CCDC13: variants seen among roughly 807,000 people sequenced by gnomAD.
CCDC13 encodes coiled-coil domain containing 13.
CCDC13 carries 70 observed loss-of-function variants against 87.3 expected under a neutral mutation model. The observed-to-expected ratio is 0.80, with a 90% CI of 0.66 to 0.98. The LOEUF (loss-of-function observed/expected upper bound fraction) is 0.98. CCDC13 is among the 50% of genes least tolerant of loss of function. The probability of loss-of-function intolerance (pLI) is 0.00; values close to 1 mark genes in which losing one functional copy is unlikely to be tolerated. For synonymous variants in CCDC13, 317 were observed against 360.3 expected (o/e 0.88, Z 1.36); for missense variants, 842 against 892.0 (o/e 0.94, Z 0.71).
At position 42,709,019 on chromosome 3, in the gene CCDC13, G is replaced by A. The variant is rs1698239180; in HGVS notation, c.2109C>T (p.Phe703=). 1.9e-6 allele frequency: 3 copies of A among 1,613,740 alleles called. No homozygotes were observed. Among genetic ancestry groups the A allele is most frequent in the South Asian group, 2.2e-5 (2 of 91,024 alleles). ...HEILGQVKSV[F]LQALRQQKTG... is the part of the protein sequence containing the mutation. ...TCTTCTGCTGCCGCAGGGCCTGCAG[G>A]AAGACACTTTTCACCTGGCCCAGGA... Residue 703 remains phenylalanine, a synonymous_variant, in exon 16 of 16, where the codon TTC becomes TTT. Transcript: ENST00000310232.
chr3:42,734,067 G>A (rs1334788958), intron 10 of CCDC13, among the ~76,000 whole-genome samples: 2 of 152,160 alleles, frequency 1.3e-5, no homozygotes, highest in African/African-American at 4.8e-5. Context: ...AGGGCAGGCA[G>A]CCTTGGGTGG....
At position 42,713,295 on chromosome 3, in the gene CCDC13, C is replaced by T; in HGVS notation, c.1740G>A (p.Lys580=). ...LQKRVEESNS[K]LLESERKLQE... ...GCAGCTTCCTCTCTGACTCCAGGAG[C>T]TTGCTGTTGCTCTCCTCCACCCTGG... is the stretch of plus-strand genomic sequence containing the variant. Residue 580 remains lysine (K), a synonymous_variant, in exon 14 of 16, where the codon AAG becomes AAA. Coordinates refer to ENST00000310232, the MANE Select transcript of CCDC13 (RefSeq NM_144719.4). The T allele has an allele frequency of 6.2e-7, 1 of 1,614,058 alleles. No homozygotes were observed.
Position 42,706,780 on chromosome 3 carries a change from A to G in CCDC13, c.*2200T>C, listed in dbSNP as rs1698190142. 1 of 152,238 alleles carries G rather than the reference A, an allele frequency of 6.6e-6. No individual in the cohort carries two copies. The highest frequency in any genetic ancestry group is 2.4e-5 in the African/African-American group (1 of 41,456). 9.4% of individuals were successfully genotyped at this position (152,238 alleles called of 1,614,324 possible). A position where few individuals can be genotyped will look rare whatever the true frequency, so the allele number is the denominator to read the frequency against. On this transcript the variant is annotated 3_prime_UTR_variant, in exon 16 of 16. Transcript: ENST00000310232. The stretch of plus-strand genomic sequence containing the variant: ...ATAAACAGAGAGCTAATAATTAGTG[A>G]AACGTCTTTGGGTTATTCTTTGACA...
At chr3:42,767,177 A>G (rs1181162343) in intron 1 of CCDC13, among the ~76,000 whole-genome samples, 1 of 152,092 alleles carries the variant, frequency 6.6e-6, no homozygotes, top group Admixed American at 6.5e-5. Flanking sequence ...ATTAAAAAAA[A>G]AAAGAACAAA....
chr3:42,747,898 T>C (rs1395535500), intron 5 of CCDC13, among the ~76,000 whole-genome samples: 1 of 152,194 alleles, frequency 6.6e-6, no homozygotes, highest in Non-Finnish European at 1.5e-5. Flanking sequence ...GATCTGCCTC[T>C]CCCAGAATCG....
intron 1 of CCDC13, 110 bp from the exon 2 acceptor site, chr3:42,758,461 A>G (rs1699758519): frequency 1.0e-6 from 1 of 1,002,424 alleles, no homozygotes; most frequent in African/African-American, 1.6e-5. Context: ...TTCGCGTTGC[A>G]TGTATGTCCA....
intron 5 of CCDC13, among the ~76,000 whole-genome samples, chr3:42,751,368 C>T (rs966593301): frequency 3.3e-5 from 5 of 152,230 alleles, no homozygotes; most frequent in African/African-American, 1.2e-4. Context: ...GTTTCATGAA[C>T]TGTCACTGGT....
chr3:42,764,450 G>C (rs536942473), intron 1 of CCDC13, among the ~76,000 whole-genome samples: 86 of 152,364 alleles, frequency 5.6e-4, no homozygotes, highest in African/African-American at 2.0e-3. Context: ...CACACGGACA[G>C]CAGCTGCTAT....
At chr3:42,746,364 C>T (rs930634326) in intron 6 of CCDC13, 1 of 267,506 alleles carries the variant, frequency 3.7e-6, no homozygotes, top group African/African-American at 2.2e-5. Context: ...ACTCACCTGT[C>T]ACCTAGTGCT....
At chr3:42,756,323 T>G (rs1308477999) in intron 3 of CCDC13, among the ~76,000 whole-genome samples, 1 of 152,160 alleles carries the variant, frequency 6.6e-6, no homozygotes, top group East Asian at 1.9e-4. Context: ...GTCAAACTCA[T>G]AACCACAGAG....
At chr3:42,725,548 A>AAAAAAAAC (rs1698667811) in intron 13 of CCDC13, among the ~76,000 whole-genome samples, 1 of 151,084 alleles carries the variant, frequency 6.6e-6, no homozygotes, top group Non-Finnish European at 1.5e-5. Context: ...AAAAAAAAAA[A>AAAAAAAAC]GAGGACTAAG....
intron 13 of CCDC13, among the ~76,000 whole-genome samples, chr3:42,723,029 C>A (rs1226401184): frequency 6.6e-6 from 1 of 152,070 alleles, no homozygotes; most frequent in East Asian, 1.9e-4. Context: ...GATCTCCTGA[C>A]CTCGTGACCT....
At chr3:42,750,124 C>T (rs1699537136) in intron 5 of CCDC13, among the ~76,000 whole-genome samples, 1 of 152,234 alleles carries the variant, frequency 6.6e-6, no homozygotes, top group Non-Finnish European at 1.5e-5. Flanking sequence ...ACTCCTGCTC[C>T]AGCTGCCATT....
At chr3:42,755,484 GT>G (rs1343132880) in intron 3 of CCDC13, among the ~76,000 whole-genome samples, 5 of 152,188 alleles carry the variant, frequency 3.3e-5, no homozygotes, top group Admixed American at 2.6e-4. Context: ...GCACACACCT[GT>G]AATCCCAGCT....
chr3:42,729,368 T>TAC (rs1698765692), intron 13 of CCDC13, among the ~76,000 whole-genome samples: 1 of 152,248 alleles, frequency 6.6e-6, no homozygotes, highest in South Asian at 2.1e-4. Context: ...CATCTCTATG[T>TAC]ACTATGTGAA....
At chr3:42,771,248 G>T (rs1053985509) in intron 1 of CCDC13, among the ~76,000 whole-genome samples, 1 of 152,308 alleles carries the variant, frequency 6.6e-6, no homozygotes, top group South Asian at 2.1e-4. Flanking sequence ...ATAATATTCT[G>T]AAAAAGGCAA....
intron 3 of CCDC13, among the ~76,000 whole-genome samples, chr3:42,753,808 T>C (rs1181256322): frequency 6.6e-6 from 1 of 152,136 alleles, no homozygotes; most frequent in Non-Finnish European, 1.5e-5. Flanking sequence ...GGAGGTGGAA[T>C]GTGCTTAGAG....
Position 42,708,804 on chromosome 3 carries a change from G to T in CCDC13, c.*176C>A. 1.6e-6 allele frequency: 1 copy of T among 623,572 alleles called. No individual in the cohort carries two copies. Among genetic ancestry groups the T allele is most frequent in the Non-Finnish European group, 2.6e-6 (1 of 382,970 alleles). The allele number at this position is 623,572 out of a possible 1,614,324, so 38.6% of individuals were successfully genotyped here. On this transcript the variant is annotated 3_prime_UTR_variant, in exon 16 of 16. Coordinates refer to ENST00000310232, the MANE Select transcript of CCDC13 (RefSeq NM_144719.4). ...AGTGTCCCACCAGGGCTTCTCTTCT[G>T]CCTTCCTGGCCTGAGACATTGGTTT...
chr3:42,749,903 G>A, intron 5 of CCDC13: 1 of 456,762 alleles, frequency 2.2e-6, no homozygotes. Flanking sequence ...GTTGGAATGT[G>A]GATTGAGCCT....
Sources: allele counts gnomAD v4.1 joint callset (sites outside exome capture counted in the v4.1 genomes callset), GRCh38; gene constraint gnomAD v4.1.1; transcripts MANE v1.5; gene names NCBI Gene and HGNC (gene_info 2026-07-23, HGNC 2026-07-21).